Variants in DLGAP2 observed in about 807,000 individuals in gnomAD.
The protein encoded by DLGAP2 is DLG associated protein 2, also known as disks large-associated protein 2.
DLGAP2 carries 26 observed loss-of-function variants against 100.3 expected under a neutral mutation model. The ratio of observed to expected loss-of-function variants is 0.26; its 90% CI spans 0.19 to 0.36. DLGAP2 has a LOEUF of 0.36. DLGAP2 is among the 10% of genes least tolerant of loss of function. The pLI is 1.00. For synonymous variants in DLGAP2, 886 were observed against 630.1 expected, an observed-to-expected ratio of 1.41 and a Z score of -6.08; for missense variants, 1,858 against 1,453.2, an observed-to-expected ratio of 1.28 and a Z score of -4.53.
chr8:806,716 C>A (rs1056107505), intron 1 of DLGAP2, among the ~76,000 whole-genome samples: 1 of 152,208 alleles, frequency 6.6e-6, no homozygotes, highest in Middle Eastern at 3.2e-3. Flanking sequence ...ATGGATTAAA[C>A]ACCATTTGCT....
chr8:1,351,992 C>G (rs1191475695), intron 3 of DLGAP2, among the ~76,000 whole-genome samples: 3 of 55,892 alleles, frequency 5.4e-5, no homozygotes, highest in Admixed American at 2.6e-4. Flanking sequence ...CGGGTCCTGA[C>G]TGTGTGTGGA....
chr8:942,044 C>T (rs758205777), intron 2 of DLGAP2, among the ~76,000 whole-genome samples: 1 of 152,090 alleles, frequency 6.6e-6, no homozygotes, highest in Non-Finnish European at 1.5e-5. Context: ...AGGCTGGTCT[C>T]GAATTCTAGG....
At chr8:1,067,604 C>CGTGTGTGTGTGT (rs3220190) in intron 2 of DLGAP2, among the ~76,000 whole-genome samples, 105 of 140,402 alleles carry the variant, frequency 7.5e-4, no homozygotes, top group Non-Finnish European at 1.2e-3. Flanking sequence ...GGTTGAGTGA[C>CGTGTGTGTGTGT]GTGTGTGTGT....
intron 6 of DLGAP2, among the ~76,000 whole-genome samples, chr8:1,582,357 T>TGGTCTATAA (rs1803316452): frequency 6.6e-6 from 1 of 151,506 alleles, no homozygotes; most frequent in Non-Finnish European, 1.5e-5. Flanking sequence ...GACCATTATG[T>TGGTCTATAA]ACAGAAGAAT....
rs190345475 is a variant in DLGAP2, at chr8:1,653,206, C to T, written c.1811-15123C>T. On this transcript the variant is annotated intron_variant, in intron 8 of 14. Coordinates refer to ENST00000637795, the MANE Select transcript of DLGAP2 (RefSeq NM_001346810.2). ...GGTAGGGAGCCGACAATCCTCACCACGCAGATGCTGCCAGGCCTGGAGACA... is the reference window on the plus strand; with the variant it reads ...GGTAGGGAGCCGACAATCCTCACCATGCAGATGCTGCCAGGCCTGGAGACA... Among the ~76,000 whole-genome samples the T allele has an allele frequency of 5.9e-5, 9 of 152,206 alleles. No homozygotes were observed. In the East Asian group the frequency reaches 9.7e-4, roughly 16 times the overall value.
chr8:1,621,199 A>T (rs1563261781), intron 6 of DLGAP2: 2 of 152,216 alleles, frequency 1.3e-5, no homozygotes, highest in African/African-American at 2.4e-5. Context: ...TTGGTGGCAC[A>T]TCCTTCAAAC....
chr8:1,287,848 G>A (rs2116963613), intron 3 of DLGAP2, among the ~76,000 whole-genome samples: 1 of 141,894 alleles, frequency 7.0e-6, no homozygotes, highest in East Asian at 2.2e-4. Context: ...GTGTGTGTGT[G>A]TGGTTGTTAG....
chr8:1,167,431 C>T (rs1021083284), intron 2 of DLGAP2, among the ~76,000 whole-genome samples: 4 of 152,110 alleles, frequency 2.6e-5, no homozygotes, highest in Non-Finnish European at 5.9e-5. Context: ...GCTGTGTCCC[C>T]GGCTGCTAGG....
chr8:1,424,316 A>G (rs571140255), intron 3 of DLGAP2, among the ~76,000 whole-genome samples: 15 of 152,226 alleles, frequency 9.9e-5, no homozygotes, highest in African/African-American at 3.4e-4. Flanking sequence ...ACTTATTAAG[A>G]CGTGCGTATC....
At chr8:842,690 C>A (rs1797004792) in intron 1 of DLGAP2, among the ~76,000 whole-genome samples, 1 of 152,096 alleles carries the variant, frequency 6.6e-6, no homozygotes, top group Non-Finnish European at 1.5e-5. Flanking sequence ...TCTGTTCTTT[C>A]TGTTTTGCCT....
At position 1,074,559 on chromosome 8, in the gene DLGAP2, C is replaced by G. The variant is rs1416771164; in HGVS notation, c.73+166593C>G. 2.0e-5 allele frequency among the ~76,000 whole-genome samples: 3 copies of G among 152,176 alleles called. No homozygotes were observed. The East Asian group carries it at 5.8e-4, about 29-fold the overall frequency. ...AGCCGAGGCTGCCCTGGCTCAGGGG[C>G]TTCTCCACTCCCCTCTTTTTGCTTC... On this transcript the variant is annotated intron_variant, in intron 2 of 14. Coordinates refer to ENST00000637795, the MANE Select transcript of DLGAP2 (RefSeq NM_001346810.2).
At chr8:1,049,949 C>T (rs1802627637) in intron 2 of DLGAP2, among the ~76,000 whole-genome samples, 1 of 152,168 alleles carries the variant, frequency 6.6e-6, no homozygotes, top group Non-Finnish European at 1.5e-5. Context: ...GATATATGCA[C>T]ACACATGCTG....
At chr8:1,698,950 T>G (rs1275254197) in intron 14 of DLGAP2, among the ~76,000 whole-genome samples, 1 of 151,754 alleles carries the variant, frequency 6.6e-6, no homozygotes. Flanking sequence ...AAGCCATGCA[T>G]GGGACAGGTC....
chr8:1,449,938 G>A (rs111740779), intron 3 of DLGAP2, among the ~76,000 whole-genome samples: 84 of 31,606 alleles, frequency 2.7e-3, no homozygotes, highest in East Asian at 6.1e-3. Context: ...TGGCTGAGGC[G>A]GAGCTGTGAG....
At chr8:1,150,633 T>C (rs551279234) in intron 2 of DLGAP2, among the ~76,000 whole-genome samples, 3 of 152,234 alleles carry the variant, frequency 2.0e-5, no homozygotes, top group African/African-American at 7.2e-5. Flanking sequence ...GTCCATGCCC[T>C]GTTGACAGGA....
At chr8:1,640,299 CG>C (rs902399396) in intron 8 of DLGAP2, among the ~76,000 whole-genome samples, 14 of 145,040 alleles carry the variant, frequency 9.7e-5, no homozygotes, top group African/African-American at 3.5e-4. Context: ...TGTGCTGCCC[CG>C]TGGGTCCTCA....
At chr8:1,452,542 G>C (rs920623372) in intron 3 of DLGAP2, among the ~76,000 whole-genome samples, 1 of 152,236 alleles carries the variant, frequency 6.6e-6, no homozygotes, top group African/African-American at 2.4e-5. Context: ...GCTCCGGGGA[G>C]AGCTGGAGGC....
chr8:867,529 G>A (rs972117406), intron 1 of DLGAP2, among the ~76,000 whole-genome samples: 2 of 152,184 alleles, frequency 1.3e-5, no homozygotes, highest in Non-Finnish European at 2.9e-5. Flanking sequence ...ATGTCATTAC[G>A]TGGCTTTCTC....
At position 777,248 on chromosome 8, in the gene DLGAP2, G is replaced by T. The variant is rs540244254; in HGVS notation, c.18+39423G>T. ...TTATTTTGAGCCTATGTGTGTCTCT[G>T]CACGTGAGATGGGTTTCCTGAATAC... On this transcript the variant is annotated intron_variant, in intron 1 of 14. Coordinates refer to ENST00000637795, the MANE Select transcript of DLGAP2 (RefSeq NM_001346810.2). Among the ~76,000 whole-genome samples the T allele has an allele frequency of 7.7e-4, 116 of 150,742 alleles. 2 individuals carry two copies. Among genetic ancestry groups the T allele is most frequent in the African/African-American group, 2.1e-3 (87 of 41,372 alleles).
Sources: gnomAD v4.1 joint callset for allele counts (sites outside exome capture counted in the v4.1 genomes callset) on GRCh38, gnomAD v4.1.1 for gene constraint, MANE v1.5 for transcripts, NCBI Gene and HGNC (gene_info 2026-07-23, HGNC 2026-07-21) for gene names.